Variants in DALRD3 observed in about 807,000 individuals in gnomAD.
The protein encoded by DALRD3 is DALR anticodon binding domain containing 3, also known as DALR anticodon-binding domain-containing protein 3.
In DALRD3, 47 loss-of-function variants were observed where a neutral mutation model predicts 56.7. The observed-to-expected ratio is 0.83, with a 90% CI of 0.66 to 1.06. The LOEUF (loss-of-function observed/expected upper bound fraction) is 1.06. Ranked by LOEUF, DALRD3 falls within the 50% of genes least tolerant of loss-of-function variation. DALRD3 has a pLI of 0.00. For missense variants in DALRD3, 787 were observed against 724.0 expected (o/e 1.09, Z -1.00); for synonymous variants, 347 against 308.5 (o/e 1.12, Z -1.31).
At chr3:49,018,601 T>C, upstream of DALRD3, 1 of 1,511,950 alleles carries the variant, frequency 6.6e-7, no homozygotes, top group East Asian at 2.5e-5. Flanking sequence ...GGAAAAAAAT[T>C]TAGGGAGGTG....
chr3:49,016,147 G>C lies in DALRD3; in HGVS notation c.1329+11C>G, dbSNP rs763230608. 1 of 1,613,126 alleles carries C rather than the reference G, an allele frequency of 6.2e-7. No homozygotes were observed. On this transcript the variant is annotated intron_variant, in intron 9 of 11. Transcript: ENST00000341949. ...GGCCTCCTTGTGCCAGCTACCAGGA[G>C]GGACACTCACCTCATCATGTAGCAG... is the stretch of plus-strand genomic sequence containing the variant.
rs373593638 is a variant in DALRD3 at position 49,016,004 on chromosome 3, G to A, written c.1412C>T (p.Pro471Leu). Reference sequence around the variant, plus strand: ...TGTGCGTACAGCAATGTGGAGCCCCGGGGCTGTGCAGTCCAGCACTGCTGT... The same window carrying A: ...TGTGCGTACAGCAATGTGGAGCCCCAGGGCTGTGCAGTCCAGCACTGCTGT... Reference protein sequence around the residue: ...SRTAVLDCTAPGLHIAVRTEM... With the variant: ...SRTAVLDCTALGLHIAVRTEM... Residue 471 changes from proline (P) to leucine (L), a missense_variant, in exon 10 of 12, where the codon CCG (proline) becomes CTG (leucine). Transcript: ENST00000341949. 1.6e-5 allele frequency: 26 copies of A among 1,610,434 alleles called. No individual in the cohort carries two copies. Among genetic ancestry groups the A allele is most frequent in the Middle Eastern group, 3.3e-4 (2 of 6,070 alleles).
Position 49,018,187 on chromosome 3 carries a change from G to A in DALRD3, c.297C>T (p.Leu99=). 2.8e-6 allele frequency: 4 copies of A among 1,450,338 alleles called. No homozygotes were observed. The highest frequency in any genetic ancestry group is 3.6e-6 in the Non-Finnish European group (4 of 1,113,354). 89.8% of individuals were successfully genotyped at this position (1,450,338 alleles called of 1,614,324 possible). A position where few individuals can be genotyped will look rare whatever the true frequency, so the allele number is the denominator to read the frequency against. Residue 99 remains leucine (L), a synonymous_variant, in exon 2 of 12, where the codon CTC becomes CTT. Coordinates refer to ENST00000341949, the MANE Select transcript of DALRD3 (RefSeq NM_001009996.3). ...GCGTGGCATAGGCGGCCACGGCGCT[G>A]AGGACGCGCTCGAAGACGGCGGACC... The part of the protein sequence containing the change: ...LQRSAVFERV[L]SAVAAYATPA...
Position 49,016,021 on chromosome 3 carries a change from C to T in DALRD3, c.1395G>A (p.Val465=). ...PFPDLLSRTA[V]LDCTAPGLHI... ...GGAGCCCCGGGGCTGTGCAGTCCAG[C>T]ACTGCTGTCCGGCTCAGCAGATCCG... is the stretch of plus-strand genomic sequence containing the variant. The change falls in exon 10 of 12, where the codon GTG becomes GTA. Residue 465 remains valine (V), a synonymous_variant. Coordinates refer to ENST00000341949, the MANE Select transcript of DALRD3 (RefSeq NM_001009996.3). 1 of 1,604,784 alleles carries T rather than the reference C, an allele frequency of 6.2e-7. No individual in the cohort carries two copies. The highest frequency in any genetic ancestry group is 1.1e-5 in the South Asian group (1 of 90,150).
At position 49,016,423 on chromosome 3, in the gene DALRD3, G is replaced by T. The variant is rs2093072617; in HGVS notation, c.1146+6C>A. On this transcript the variant is annotated splice_donor_region_variant and intron_variant, in intron 8 of 11. Transcript: ENST00000341949. ...AACACTGGCCCTGTCAGGCTCCCAG[G>T]CTCACCTGACTCTGTGGGGCTGTGC... The T allele has an allele frequency of 3.7e-6, 6 of 1,612,384 alleles. No homozygotes were observed. In the East Asian group the frequency reaches 1.3e-4, roughly 36 times the overall value.
rs2093069454 is a variant in DALRD3, at chr3:49,016,333, A to G, written c.1154T>C (p.Leu385Pro). The change falls in exon 9 of 12, where the codon CTG (leucine) becomes CCG (proline). Residue 385 changes from leucine (L) to proline (P), a missense_variant. Physicochemically the swap from Leu to Pro is moderately conservative, Grantham distance 98. Coordinates refer to ENST00000341949, the MANE Select transcript of DALRD3 (RefSeq NM_001009996.3). ...GGAGATACTGCTGTCAGCCAGAGCCAGGAAGAGCTGGGGAATAGAAGCACA... is the reference window on the plus strand; with the variant it reads ...GGAGATACTGCTGTCAGCCAGAGCCGGGAAGAGCTGGGGAATAGAAGCACA... ...LSTAPQSQLF[L>P]ALADSSISTK... The G allele has an allele frequency of 6.2e-7, 1 of 1,607,484 alleles. No individual in the cohort carries two copies. The highest frequency in any genetic ancestry group is 8.5e-7 in the Non-Finnish European group (1 of 1,174,706).
Sources: allele counts gnomAD v4.1 joint callset, GRCh38; gene constraint gnomAD v4.1.1; transcripts MANE v1.5; gene names NCBI Gene and HGNC (gene_info 2026-07-23, HGNC 2026-07-21).